TRPC5: variants seen among roughly 807,000 people sequenced by gnomAD.
The protein encoded by TRPC5 is transient receptor potential cation channel subfamily C member 5.
TRPC5 carries 9 observed loss-of-function variants against 56.5 expected under a neutral mutation model. The ratio of observed to expected loss-of-function variants is 0.16; its 90% CI spans 0.10 to 0.28. The LOEUF (loss-of-function observed/expected upper bound fraction) is 0.28. Ranked by LOEUF, TRPC5 falls within the 10% of genes least tolerant of loss-of-function variation. TRPC5 has a pLI of 1.00. For missense variants in TRPC5, 469 were observed against 748.9 expected (o/e 0.63, Z 4.36); for synonymous variants, 282 against 278.5 (o/e 1.01, Z -0.13).
chrX:112,016,918 AAAG>A (rs1392272299), intron 1 of TRPC5, among the ~76,000 whole-genome samples: 1 of 112,683 alleles, frequency 8.9e-6, no homozygotes, highest in Non-Finnish European at 1.9e-5. Context: ...GTGAGGGTTA[AAAG>A]AGGTAATCCG....
intron 7 of TRPC5, among the ~76,000 whole-genome samples, chrX:111,814,654 T>A (rs768937847): frequency 2.6e-4 from 29 of 110,197 alleles, no homozygotes; most frequent in Non-Finnish European, 5.5e-4. Flanking sequence ...TTTTCCCTAC[T>A]GAGCATGTGC....
At chrX:111,910,812 G>A (rs1349375957) in intron 3 of TRPC5, among the ~76,000 whole-genome samples, 3 of 112,632 alleles carry the variant, frequency 2.7e-5, no homozygotes, top group South Asian at 3.6e-4. Context: ...GATTACAGGC[G>A]TGAGCCACCA....
intron 1 of TRPC5, among the ~76,000 whole-genome samples, chrX:112,046,644 T>A (rs1427715274): frequency 8.9e-6 from 1 of 112,044 alleles, no homozygotes; most frequent in African/African-American, 3.2e-5. Flanking sequence ...ATTTTATGTA[T>A]CACATTAACA....
intron 1 of TRPC5, among the ~76,000 whole-genome samples, chrX:112,042,185 T>C (rs1056057571): frequency 1.8e-5 from 2 of 111,620 alleles, no homozygotes; most frequent in African/African-American, 6.5e-5. Context: ...ATGAAAATTG[T>C]CTTTTGCAAG....
At chrX:112,004,267 G>A (rs906710369) in intron 1 of TRPC5, among the ~76,000 whole-genome samples, 3 of 110,053 alleles carry the variant, frequency 2.7e-5, no homozygotes, top group South Asian at 3.7e-4. Flanking sequence ...TATGGAGACC[G>A]GAGGGCATAA....
chrX:111,776,545 C>T lies in TRPC5; in HGVS notation c.2690G>A (p.Ser897Asn), dbSNP rs1467349675. The T allele has an allele frequency of 2.5e-6, 3 of 1,210,045 alleles. No individual in the cohort carries two copies. The highest frequency in any genetic ancestry group is 3.4e-6 in the Non-Finnish European group (3 of 895,225). ...TTCTACCTCACTGAGGTTAATTTCA[C>T]TTTGAGAACAGGCCTCTGCTTTCCC... is the stretch of plus-strand genomic sequence containing the variant. The part of the protein sequence containing the change: ...EKGKAEACSQ[S>N]EINLSEVELG... The change falls in exon 11 of 11, where the codon AGT (serine) becomes AAT (asparagine). Residue 897 changes from serine to asparagine, a missense_variant. Physicochemically the swap from Ser to Asn is conservative, Grantham distance 46. Around this residue, in one of 3 missense-constraint regions of TRPC5, gnomAD observed 194 missense variants for 221.8 expected, o/e 0.87. Coordinates refer to ENST00000262839, the MANE Select transcript of TRPC5 (RefSeq NM_012471.3).
intron 7 of TRPC5, among the ~76,000 whole-genome samples, chrX:111,823,681 T>G (rs9887316): frequency 0.23 from 25,571 of 109,968 alleles, 6,424 homozygotes; most frequent in African/African-American, 0.75. Flanking sequence ...GGGGTAGAGA[T>G]AGGGGATCTC....
intron 1 of TRPC5, among the ~76,000 whole-genome samples, chrX:112,071,380 C>T (rs189206639): frequency 1.8e-5 from 2 of 111,060 alleles, no homozygotes; most frequent in African/African-American, 3.3e-5. Context: ...CCATTTTAAT[C>T]TCCATTTTAC....
At chrX:111,872,382 C>T (rs761289219) in intron 3 of TRPC5, among the ~76,000 whole-genome samples, 103 of 111,821 alleles carry the variant, frequency 9.2e-4, no homozygotes, top group African/African-American at 3.2e-3. Context: ...GGAGGAATAA[C>T]GTGTTGGAGA....
intron 2 of TRPC5, among the ~76,000 whole-genome samples, chrX:111,941,642 G>A (rs867769798): frequency 2.7e-5 from 3 of 112,271 alleles, no homozygotes; most frequent in Admixed American, 9.4e-5. Flanking sequence ...GTTCTACTTG[G>A]TCTAGGCTCC....
At chrX:111,827,554 A>T (rs751945390) in intron 7 of TRPC5, among the ~76,000 whole-genome samples, 1 of 111,185 alleles carries the variant, frequency 9.0e-6, no homozygotes, top group African/African-American at 3.3e-5. Flanking sequence ...TCAGACCAAA[A>T]AACCTGGATG....
intron 7 of TRPC5, among the ~76,000 whole-genome samples, chrX:111,824,569 T>C (rs371256364): frequency 1.8e-5 from 2 of 111,558 alleles, no homozygotes; most frequent in East Asian, 2.8e-4. Flanking sequence ...AGTTTGGGCC[T>C]AGAGGAGGGG....
intron 2 of TRPC5, among the ~76,000 whole-genome samples, chrX:111,934,347 A>T (rs779149678): frequency 9.2e-6 from 1 of 109,176 alleles, no homozygotes; most frequent in Admixed American, 9.9e-5. Context: ...TTTTATTTGT[A>T]CATAGTAAGT....
intron 1 of TRPC5, among the ~76,000 whole-genome samples, chrX:112,021,358 G>A (rs189648723): frequency 1.8e-3 from 203 of 111,482 alleles, no homozygotes; most frequent in African/African-American, 6.1e-3. Flanking sequence ...GGAGGCCTGC[G>A]GAAGATTAGT....
chrX:112,049,992 A>G (rs766035395), intron 1 of TRPC5, among the ~76,000 whole-genome samples: 13 of 111,771 alleles, frequency 1.2e-4, no homozygotes, highest in African/African-American at 4.2e-4. Context: ...CCTGGCCAAC[A>G]TGGGGAAACC....
intron 6 of TRPC5, among the ~76,000 whole-genome samples, chrX:111,838,952 G>A (rs188824863): frequency 2.7e-5 from 3 of 111,950 alleles, no homozygotes; most frequent in South Asian, 3.8e-4. Context: ...GGGTGAACTC[G>A]AAGTTAAAGG....
intron 3 of TRPC5, among the ~76,000 whole-genome samples, chrX:111,878,529 A>G (rs1357865539): frequency 2.7e-5 from 3 of 111,581 alleles, no homozygotes; most frequent in Non-Finnish European, 5.6e-5. Flanking sequence ...CTTGAACACT[A>G]TTGGCTTTGG....
Position 111,952,382 on chromosome X carries a change from C to G in TRPC5, c.39G>C (p.Pro13=). 1 of 1,209,768 alleles carries G rather than the reference C, an allele frequency of 8.3e-7. No homozygotes were observed. The highest frequency in any genetic ancestry group is 1.1e-6 in the Non-Finnish European group (1 of 894,669). ...QLYYKKVNYS[P]YRDRIPLQIV... ...TTTGCAGGGGGATGCGGTCTCTGTA[C>G]GGTGAGTAGTTGACCTTTTTGTAGT... is the stretch of plus-strand genomic sequence containing the variant. Residue 13 remains proline, a synonymous_variant, in exon 2 of 11, where the codon CCG becomes CCC. Coordinates refer to ENST00000262839, the MANE Select transcript of TRPC5 (RefSeq NM_012471.3).
chrX:111,907,584 C>A (rs1925672656), intron 3 of TRPC5, among the ~76,000 whole-genome samples: 2 of 109,609 alleles, frequency 1.8e-5, no homozygotes, highest in African/African-American at 6.7e-5. Context: ...GAGATGGCAC[C>A]ACTGCATTCC....
Sources: allele counts gnomAD v4.1 joint callset (sites outside exome capture counted in the v4.1 genomes callset), GRCh38; gene constraint gnomAD v4.1.1; regional missense constraint gnomAD v4.1.1; transcripts MANE v1.5; gene names NCBI Gene and HGNC (gene_info 2026-07-23, HGNC 2026-07-21).